Variants in DDX10 observed in about 807,000 individuals in gnomAD.
DDX10 encodes DEAD-box helicase 10.
A neutral mutation model predicts 104.3 loss-of-function variants in DDX10; 74 were observed. The observed-to-expected ratio is 0.71, with a 90% confidence interval of 0.59 to 0.86. The LOEUF (loss-of-function observed/expected upper bound fraction) is 0.86, where lower values mean the gene tolerates loss of function less well. Among genes scored for constraint, DDX10 ranks in the 40% least tolerant of loss-of-function variants. The probability of loss-of-function intolerance (pLI) is 0.00; values close to 1 mark genes in which losing one functional copy is unlikely to be tolerated. For missense variants in DDX10, 952 were observed against 1,040.0 expected (o/e 0.92, Z 1.16); for synonymous variants, 351 against 353.4 (o/e 0.99, Z 0.08).
At chr11:108,883,327 G>A (rs1461284358) in intron 16 of DDX10, among the ~76,000 whole-genome samples, 1 of 151,974 alleles carries the variant, frequency 6.6e-6, no homozygotes, top group African/African-American at 2.4e-5. Flanking sequence ...ATTATTTTTT[G>A]TTATATCATA....
intron 13 of DDX10, among the ~76,000 whole-genome samples, chr11:108,773,680 C>T (rs2094366240): frequency 6.6e-6 from 1 of 151,968 alleles, no homozygotes; most frequent in Admixed American, 6.6e-5. Context: ...TCCACAGATA[C>T]TTAAGGGTTG....
chr11:108,733,543 G>T (rs947659591), intron 13 of DDX10, among the ~76,000 whole-genome samples: 2 of 152,144 alleles, frequency 1.3e-5, no homozygotes, highest in East Asian at 3.9e-4. Context: ...CACAGGCTTT[G>T]ACAGGTTCAC....
intron 16 of DDX10, among the ~76,000 whole-genome samples, chr11:108,915,729 C>G (rs1298436065): frequency 6.6e-6 from 1 of 151,976 alleles, no homozygotes; most frequent in African/African-American, 2.4e-5. Context: ...TTTTAAGAAG[C>G]TATTACACAT....
chr11:108,668,405 G>A (rs1480525072), intron 1 of DDX10, among the ~76,000 whole-genome samples: 1 of 152,100 alleles, frequency 6.6e-6, no homozygotes, highest in Non-Finnish European at 1.5e-5. Flanking sequence ...GCATTGTTCT[G>A]TTTTACTTCT....
In DDX10 at chr11:108,728,504, C is replaced by CTTTTTTTTTT. The variant is rs71050884; in HGVS notation, c.1965+5060_1965+5069dup. On this transcript the variant is annotated intron_variant, in intron 13 of 17. Coordinates refer to ENST00000322536, the MANE Select transcript of DDX10 (RefSeq NM_004398.4). ...TTTTAAGTATACATACACATTTGTTCTTTTTTTTTTTTTTTTTTTTTTTTT... is the reference window on the plus strand; with the variant it reads ...TTTTAAGTATACATACACATTTGTTCTTTTTTTTTTTTTTTTTTTTTTTTTTTTTTTTTTT... 2.0e-4 allele frequency among the ~76,000 whole-genome samples: 24 copies of CTTTTTTTTTT among 121,822 alleles called. 5 individuals carry two copies. The highest frequency in any genetic ancestry group is 9.8e-4 in the African/African-American group (24 of 24,434). The allele number at this position is 121,822 out of a possible 152,430, so 79.9% of individuals were successfully genotyped here. A position where few individuals can be genotyped will look rare whatever the true frequency, so the allele number is the denominator to read the frequency against.
chr11:108,912,460 A>G (rs1357669908), intron 16 of DDX10, among the ~76,000 whole-genome samples: 2 of 152,118 alleles, frequency 1.3e-5, no homozygotes, highest in African/African-American at 4.8e-5. Context: ...TAAAACTGAT[A>G]TCCTTCCTTC....
At chr11:108,714,526 CTCT>C (rs201069538) in intron 10 of DDX10, among the ~76,000 whole-genome samples, 8,158 of 85,588 alleles carry the variant, frequency 0.095, 307 homozygotes, top group Non-Finnish European at 0.12. Flanking sequence ...AGAAGTCTGA[CTCT>C]TTTTTTTTTT....
intron 1 of DDX10, among the ~76,000 whole-genome samples, chr11:108,666,647 C>T (rs1337334211): frequency 6.6e-6 from 1 of 152,178 alleles, no homozygotes; most frequent in Admixed American, 6.5e-5. Flanking sequence ...CTTGTAGCTT[C>T]TGGTGGCTGC....
chr11:108,830,619 T>A (rs977537885), intron 13 of DDX10, among the ~76,000 whole-genome samples: 1 of 152,220 alleles, frequency 6.6e-6, no homozygotes. Flanking sequence ...ATCCTTGTCT[T>A]GTTCCAGTTC....
chr11:108,693,155 T>A (rs1354610696), intron 8 of DDX10, among the ~76,000 whole-genome samples: 1 of 152,148 alleles, frequency 6.6e-6, no homozygotes, highest in African/African-American at 2.4e-5. Flanking sequence ...TCTGTTCCCG[T>A]TGGTTTGCTG....
intron 13 of DDX10, among the ~76,000 whole-genome samples, chr11:108,799,307 C>T (rs1289633074): frequency 6.6e-6 from 1 of 152,178 alleles, no homozygotes; most frequent in Non-Finnish European, 1.5e-5. Flanking sequence ...TCACTTTCAC[C>T]CCTCCCTGCA....
At position 108,917,977 on chromosome 11, in the gene DDX10, C is replaced by T. The variant is rs779446475; in HGVS notation, c.2409C>T (p.Ser803=). The T allele has an allele frequency of 1.2e-6, 2 of 1,613,590 alleles. No individual in the cohort carries two copies. Among genetic ancestry groups the T allele is most frequent in the South Asian group, 1.1e-5 (1 of 91,062 alleles). The change falls in exon 17 of 18, where the codon AGC becomes AGT. Residue 803 remains serine (S), a synonymous_variant. Transcript: ENST00000322536. ...TCCCAGATCCAGATAAATACAGAAGCTCTGAAGATTCAGATAGTGAAGATA... is the reference window on the plus strand; with the variant it reads ...TCCCAGATCCAGATAAATACAGAAGTTCTGAAGATTCAGATAGTGAAGATA... ...STLPDPDKYR[S]SEDSDSEDME... is the part of the protein sequence containing the mutation.
intron 16 of DDX10, among the ~76,000 whole-genome samples, chr11:108,881,933 G>C (rs927657118): frequency 6.6e-6 from 1 of 152,042 alleles, no homozygotes; most frequent in Non-Finnish European, 1.5e-5. Flanking sequence ...CACTCTATAT[G>C]GTGCTGACCA....
chr11:108,760,975 C>T (rs752784765), intron 13 of DDX10, among the ~76,000 whole-genome samples: 12 of 151,786 alleles, frequency 7.9e-5, no homozygotes, highest in South Asian at 2.1e-4. Context: ...TCACTAAGCA[C>T]GCCTATTGGA....
chr11:108,682,262 G>A (rs1409359241), intron 6 of DDX10, among the ~76,000 whole-genome samples: 1 of 151,924 alleles, frequency 6.6e-6, no homozygotes, highest in African/African-American at 2.4e-5. Flanking sequence ...CCACCACCAT[G>A]CCCACCTAAT....
At chr11:108,723,533 A>T in intron 13 of DDX10, 71 bp downstream of exon 13, 1 of 1,450,554 alleles carries the variant, frequency 6.9e-7, no homozygotes, top group South Asian at 1.5e-5. Flanking sequence ...CCTTTTGGGG[A>T]CTGAGAGAAA....
chr11:108,882,113 CTG>C (rs774981519), intron 16 of DDX10, among the ~76,000 whole-genome samples: 6 of 152,030 alleles, frequency 3.9e-5, no homozygotes, highest in African/African-American at 7.2e-5. Context: ...TAATTATGAA[CTG>C]TGGGGAAAAA....
intron 13 of DDX10, among the ~76,000 whole-genome samples, chr11:108,765,686 C>T (rs1359412772): frequency 1.3e-5 from 2 of 152,210 alleles, no homozygotes; most frequent in African/African-American, 2.4e-5. Flanking sequence ...CTTGCTCATG[C>T]ACTTTTTATC....
intron 13 of DDX10, among the ~76,000 whole-genome samples, chr11:108,723,970 C>T (rs1048411774): frequency 6.6e-6 from 1 of 152,048 alleles, no homozygotes; most frequent in East Asian, 1.9e-4. Context: ...AAAAGTTTTC[C>T]TGTAAATCCT....
Sources: allele counts gnomAD v4.1 joint callset (sites outside exome capture counted in the v4.1 genomes callset), GRCh38; gene constraint gnomAD v4.1.1; transcripts MANE v1.5; gene names NCBI Gene and HGNC (gene_info 2026-07-23, HGNC 2026-07-21).